Variants in PRKAA1 observed in about 807,000 individuals in gnomAD.
PRKAA1 encodes 5'-AMP-activated protein kinase catalytic subunit alpha-1.
Under a neutral mutation model 56.9 loss-of-function variants are expected in PRKAA1, and 23 were observed. The ratio of observed to expected loss-of-function variants is 0.40; its 90% confidence interval spans 0.29 to 0.57. PRKAA1 has a LOEUF of 0.57. Among genes scored for constraint, PRKAA1 ranks in the 20% least tolerant of loss-of-function variants. PRKAA1 has a pLI of 0.39. For missense variants in PRKAA1, 413 were observed against 679.7 expected (o/e 0.61, Z 4.36); for synonymous variants, 226 against 227.0 (o/e 1.00, Z 0.04).
At chr5:40,796,428 G>C (rs1354218798) in intron 1 of PRKAA1, among the ~76,000 whole-genome samples, 1 of 152,080 alleles carries the variant, frequency 6.6e-6, no homozygotes, top group East Asian at 1.9e-4. Context: ...CTCTGGGAAG[G>C]GATGGGGGCA....
At position 40,762,757 on chromosome 5, in the gene PRKAA1, G is replaced by C; in HGVS notation, c.*21C>G. The C allele has an allele frequency of 6.2e-7, 1 of 1,610,892 alleles. No homozygotes were observed. Among genetic ancestry groups the C allele is most frequent in the Non-Finnish European group, 8.5e-7 (1 of 1,177,868 alleles). On this transcript the variant is annotated 3_prime_UTR_variant, in exon 9 of 9. Transcript: ENST00000397128. ...ATTATGCATGCTTATTGCTGCAAAA[G>C]AAATAAGCAAAGTTTTCTGTTTATT...
chr5:40,776,012 C>A (rs1743986078), intron 2 of PRKAA1, among the ~76,000 whole-genome samples: 1 of 152,166 alleles, frequency 6.6e-6, no homozygotes, highest in South Asian at 2.1e-4. Flanking sequence ...TTGGCTTTTA[C>A]TCCAAGGAAG....
At chr5:40,783,202 C>T (rs1365094823) in intron 1 of PRKAA1, among the ~76,000 whole-genome samples, 2 of 152,032 alleles carry the variant, frequency 1.3e-5, no homozygotes, top group African/African-American at 2.4e-5. Context: ...TAAATATGTT[C>T]ATTACAGTGT....
Position 40,764,778 on chromosome 5 carries a change from T to C in PRKAA1, c.1282A>G (p.Ile428Val), listed in dbSNP as rs1235199897. Reference sequence around the variant, plus strand: ...TTCCATTCATAATCCAATTGTTTGATTGCTCTACATACTTCTGCCATAATA... The same window carrying C: ...TTCCATTCATAATCCAATTGTTTGACTGCTCTACATACTTCTGCCATAATA... ...NDIMAEVCRA[I>V]KQLDYEWKVV... The change falls in exon 7 of 9, where the codon ATC becomes GTC. Residue 428 changes from isoleucine (I) to valine (V), a missense_variant. Transcript: ENST00000397128. 6.2e-7 allele frequency: 1 copy of C among 1,611,938 alleles called. No individual in the cohort carries two copies. Among genetic ancestry groups the C allele is most frequent in the South Asian group, 1.1e-5 (1 of 90,956 alleles).
intron 1 of PRKAA1, 151 bp downstream of exon 1, chr5:40,797,912 G>T (rs1285689747): frequency 8.7e-6 from 11 of 1,263,720 alleles, no homozygotes; most frequent in Non-Finnish European, 1.0e-5. Context: ...GCCCCGCGGC[G>T]GCTGGGGAGA....
At chr5:40,764,464 C>A in intron 8 of PRKAA1, 50 bp downstream of exon 8, 1 of 1,518,904 alleles carries the variant, frequency 6.6e-7, no homozygotes, top group Non-Finnish European at 8.9e-7. Flanking sequence ...GCGTAAAATA[C>A]CAAGTTAGTA....
chr5:40,778,264 A>G (rs2112044820), intron 1 of PRKAA1, among the ~76,000 whole-genome samples: 1 of 152,290 alleles, frequency 6.6e-6, no homozygotes, highest in Non-Finnish European at 1.5e-5. Context: ...AATAAAAATA[A>G]TAATATATTT....
At chr5:40,779,005 A>C (rs978627078) in intron 1 of PRKAA1, among the ~76,000 whole-genome samples, 2 of 151,488 alleles carry the variant, frequency 1.3e-5, no homozygotes, top group Non-Finnish European at 2.9e-5. Flanking sequence ...TACCATATTG[A>C]CCAGGATGGT....
At position 40,761,557 on chromosome 5, in the gene PRKAA1, A is replaced by G. The variant is rs556093072; in HGVS notation, c.*1221T>C. 1.3e-5 allele frequency: 2 copies of G among 152,242 alleles called. No homozygotes were observed. Among genetic ancestry groups the G allele is most frequent in the Non-Finnish European group, 2.9e-5 (2 of 68,028 alleles). The allele number at this position is 152,242 out of a possible 1,614,324, so 9.4% of individuals were successfully genotyped here. ...CTAAATGGTAGATATACATGTGCTT[A>G]CCAAACAGTTTTTCAATTTTTCTGT... is the stretch of plus-strand genomic sequence containing the variant. On this transcript the variant is annotated 3_prime_UTR_variant, in exon 9 of 9. Transcript: ENST00000397128.
chr5:40,776,195 T>G (rs1421092378), intron 2 of PRKAA1, among the ~76,000 whole-genome samples: 4 of 152,114 alleles, frequency 2.6e-5, no homozygotes, highest in Non-Finnish European at 5.9e-5. Context: ...ATAAAGGAAC[T>G]GAGAAGCAAT....
intron 4 of PRKAA1, among the ~76,000 whole-genome samples, chr5:40,770,953 A>T (rs1202183944): frequency 2.0e-5 from 3 of 152,098 alleles, no homozygotes; most frequent in African/African-American, 4.8e-5. Context: ...ACTATCATTT[A>T]AAACATTTTT....
In PRKAA1 at chr5:40,764,591, C is replaced by T. The variant is rs1743336322; in HGVS notation, c.1358G>A (p.Ser453Asn). The change falls in exon 8 of 9, where the codon AGC (serine) becomes AAC (asparagine). Residue 453 changes from serine to asparagine, a missense_variant. Transcript: ENST00000397128. The part of the protein sequence containing the change: ...LRVRRKNPVT[S>N]TYSKMSLQLY... ...CTGTAGACTCATTTTGGAGTAAGTG[C>T]TTGTCACAGGATTCTTCCTTCGTAC... 3 of 1,613,872 alleles carry T rather than the reference C, an allele frequency of 1.9e-6. No homozygotes were observed. Among genetic ancestry groups the T allele is most frequent in the Non-Finnish European group, 2.5e-6 (3 of 1,179,860 alleles).
intron 3 of PRKAA1, chr5:40,775,115 A>T (rs1743934346): frequency 1.4e-6 from 1 of 738,464 alleles, no homozygotes; most frequent in Non-Finnish European, 2.2e-6. Flanking sequence ...TGGAAGCATA[A>T]GTCTGAGGAT....
At chr5:40,793,586 A>G (rs1425588963) in intron 1 of PRKAA1, among the ~76,000 whole-genome samples, 2 of 152,324 alleles carry the variant, frequency 1.3e-5, no homozygotes, top group African/African-American at 2.4e-5. Flanking sequence ...AGTAATTTTT[A>G]AAGCTTTCTT....
chr5:40,762,743 T>G lies in PRKAA1; in HGVS notation c.*35A>C, dbSNP rs1212108053. ...TTTGGCTGTGACTTATTATGCATGC[T>G]TATTGCTGCAAAAGAAATAAGCAAA... On this transcript the variant is annotated 3_prime_UTR_variant, in exon 9 of 9. Coordinates refer to ENST00000397128, the MANE Select transcript of PRKAA1 (RefSeq NM_006251.6). 6.2e-7 allele frequency: 1 copy of G among 1,608,870 alleles called. No homozygotes were observed. Among genetic ancestry groups the G allele is most frequent in the Admixed American group, 1.7e-5 (1 of 59,798 alleles).
At chr5:40,783,742 G>C (rs1744358715) in intron 1 of PRKAA1, among the ~76,000 whole-genome samples, 2 of 151,948 alleles carry the variant, frequency 1.3e-5, no homozygotes, top group African/African-American at 2.4e-5. Flanking sequence ...CTGGGCAACA[G>C]AGCGAGACTC....
chr5:40,759,660 G>C lies in PRKAA1; in HGVS notation c.*3118C>G, dbSNP rs917300647. The C allele has an allele frequency of 6.6e-5, 10 of 152,306 alleles. No homozygotes were observed. The highest frequency in any genetic ancestry group is 2.4e-4 in the African/African-American group (10 of 41,432). 9.4% of individuals were successfully genotyped at this position (152,306 alleles called of 1,614,324 possible). ...TCTTTCATTCCAAAGGTGCCAGTCA[G>C]AACACAGATCCATGGAGTTCCACAT... On this transcript the variant is annotated 3_prime_UTR_variant, in exon 9 of 9. Transcript: ENST00000397128.
At chr5:40,785,178 T>G (rs1041339942) in intron 1 of PRKAA1, among the ~76,000 whole-genome samples, 1 of 152,242 alleles carries the variant, frequency 6.6e-6, no homozygotes, top group Non-Finnish European at 1.5e-5. Flanking sequence ...TCCAGTGTAC[T>G]GAAAACCTGC....
chr5:40,791,189 T>C (rs911330158), intron 1 of PRKAA1, among the ~76,000 whole-genome samples: 5 of 152,218 alleles, frequency 3.3e-5, no homozygotes, highest in African/African-American at 1.2e-4. Flanking sequence ...TGTTCCATAG[T>C]CAATCAATGA....
Sources: allele counts gnomAD v4.1 joint callset (sites outside exome capture counted in the v4.1 genomes callset), GRCh38; gene constraint gnomAD v4.1.1; transcripts MANE v1.5; gene names NCBI Gene and HGNC (gene_info 2026-07-23, HGNC 2026-07-21).